Variants in SPRR2B observed in about 807,000 individuals in gnomAD.
SPRR2B encodes small proline-rich protein 2B.
A neutral mutation model predicts 1.0 loss-of-function variants in SPRR2B; 1 was observed. That is an observed-to-expected ratio of 1.01 (90% CI 0.36 to 4.77). The LOEUF is 4.77. Ranked by LOEUF, SPRR2B falls within the 30% of genes most tolerant of loss-of-function variation. The pLI is 0.16. For missense variants in SPRR2B, 53 were observed against 88.7 expected (o/e 0.60, Z 1.62); for synonymous variants, 27 against 33.4 (o/e 0.81, Z 0.66).
upstream of SPRR2B, among the ~76,000 whole-genome samples, chr1:153,074,834 T>C (rs1321628591): frequency 6.6e-6 from 1 of 152,204 alleles, no homozygotes; most frequent in Non-Finnish European, 1.5e-5. Context: ...GCTCAGTTAG[T>C]CAGATAATGG....
the SPRR2B span, among the ~76,000 whole-genome samples, chr1:153,080,352 G>A: frequency 7.2e-5 from 11 of 152,254 alleles, no homozygotes; most frequent in East Asian, 1.7e-3. Context: ...CCACCCAACA[G>A]CAGCAGGATA....
In SPRR2B at chr1:153,070,424, TG is replaced by T; in HGVS notation, c.*196del. 2 of 1,086,250 alleles carry T rather than the reference TG, an allele frequency of 1.8e-6. No homozygotes were observed. The highest frequency in any genetic ancestry group is 1.6e-5 in the African/African-American group (1 of 62,776). 67.3% of individuals were successfully genotyped at this position (1,086,250 alleles called of 1,614,324 possible). A position where few individuals can be genotyped will look rare whatever the true frequency, so the allele number is the denominator to read the frequency against. ...AAGGTTCCTTTGCTCAGTCTCCACC[TG>T]GACAGTGGCAGTATGGCAGCCTTAG... On this transcript the variant is annotated 3_prime_UTR_variant, in exon 2 of 2. Coordinates refer to ENST00000368755, the MANE Select transcript of SPRR2B (RefSeq NM_001388198.1).
In SPRR2B at chr1:153,070,569, A is replaced by G; in HGVS notation, c.*52T>C. 6.3e-7 allele frequency: 1 copy of G among 1,580,900 alleles called. No homozygotes were observed. Among genetic ancestry groups the G allele is most frequent in the Non-Finnish European group, 8.6e-7 (1 of 1,163,752 alleles). ...AAGATGAAGGTGGAGCTGTGGAACG[A>G]GGTGAGCCAATTATCCTTATCCTCT... On this transcript the variant is annotated 3_prime_UTR_variant, in exon 2 of 2. Coordinates refer to ENST00000368755, the MANE Select transcript of SPRR2B (RefSeq NM_001388198.1).
At chr1:153,083,752 C>A in the SPRR2B span, among the ~76,000 whole-genome samples, 1 of 152,196 alleles carries the variant, frequency 6.6e-6, no homozygotes, top group Non-Finnish European at 1.5e-5. Context: ...AGAAGACCCC[C>A]TCAACCACCA....
At position 153,070,450 on chromosome 1, in the gene SPRR2B, G is replaced by T; in HGVS notation, c.*171C>A. On this transcript the variant is annotated 3_prime_UTR_variant, in exon 2 of 2. Coordinates refer to ENST00000368755, the MANE Select transcript of SPRR2B (RefSeq NM_001388198.1). ...GGACAGTGGCAGTATGGCAGCCTTA[G>T]AAAGGAAACCTTTTGCTATCAGGGA... 2 of 1,309,436 alleles carry T rather than the reference G, an allele frequency of 1.5e-6. No homozygotes were observed. The highest frequency in any genetic ancestry group is 1.5e-5 in the South Asian group (1 of 65,312). The allele number at this position is 1,309,436 out of a possible 1,614,324, so 81.1% of individuals were successfully genotyped here.
At chr1:153,073,130 C>G (rs79883482), upstream of SPRR2B, among the ~76,000 whole-genome samples, 7,382 of 152,226 alleles carry the variant, frequency 0.048, 594 homozygotes, top group African/African-American at 0.17. Flanking sequence ...TGCAATTGCT[C>G]CAGTCTCTAA....
chr1:153,072,325 G>A (rs1343337657), upstream of SPRR2B, among the ~76,000 whole-genome samples: 1 of 152,182 alleles, frequency 6.6e-6, no homozygotes, highest in Non-Finnish European at 1.5e-5. Context: ...GTTTGCTACT[G>A]CTGCTATCAA....
chr1:153,084,763 G>A, the SPRR2B span, among the ~76,000 whole-genome samples: 1 of 152,110 alleles, frequency 6.6e-6, no homozygotes, highest in Non-Finnish European at 1.5e-5. Context: ...AAAACACTTT[G>A]GCTGACACCA....
upstream of SPRR2B, among the ~76,000 whole-genome samples, chr1:153,076,545 G>T (rs557003719): frequency 6.6e-6 from 1 of 152,278 alleles, no homozygotes; most frequent in Non-Finnish European, 1.5e-5. Context: ...AAGACTATTT[G>T]AACTCTTACA....
chr1:153,082,091 T>C, the SPRR2B span, among the ~76,000 whole-genome samples: 1 of 152,136 alleles, frequency 6.6e-6, no homozygotes, highest in African/African-American at 2.4e-5. Flanking sequence ...CGGGTGTTAA[T>C]TCAAATTAGA....
At chr1:153,071,533 G>A (rs6693927) in intron 1 of SPRR2B, among the ~76,000 whole-genome samples, 36 bp downstream of exon 1, 53,503 of 151,836 alleles carry the variant, frequency 0.35, 10,376 homozygotes, top group Non-Finnish European at 0.45. Context: ...CAACATTTCA[G>A]GGCAAAAAGA....
chr1:153,078,492 T>G, the SPRR2B span, among the ~76,000 whole-genome samples: 1 of 152,212 alleles, frequency 6.6e-6, no homozygotes, highest in Admixed American at 6.5e-5. Context: ...TAGGTATATC[T>G]CCAAATGCTA....
chr1:153,074,869 T>G (rs973917236), upstream of SPRR2B, among the ~76,000 whole-genome samples: 1 of 152,230 alleles, frequency 6.6e-6, no homozygotes, highest in African/African-American at 2.4e-5. Flanking sequence ...TCAGCATTTT[T>G]GGGCAGACGC....
chr1:153,079,072 G>T, the SPRR2B span, among the ~76,000 whole-genome samples: 1 of 152,190 alleles, frequency 6.6e-6, no homozygotes, highest in African/African-American at 2.4e-5. Flanking sequence ...GTGTGAGATG[G>T]TATCTCATTG....
chr1:153,083,863 T>C, the SPRR2B span, among the ~76,000 whole-genome samples: 1 of 152,210 alleles, frequency 6.6e-6, no homozygotes, highest in East Asian at 1.9e-4. Context: ...GTGTCTGTAA[T>C]GGAGCAGGGC....
At chr1:153,077,919 C>T in the SPRR2B span, among the ~76,000 whole-genome samples, 1 of 151,770 alleles carries the variant, frequency 6.6e-6, no homozygotes, top group African/African-American at 2.4e-5. Flanking sequence ...TACATAATCC[C>T]CAATGAAAAC....
upstream of SPRR2B, among the ~76,000 whole-genome samples, chr1:153,072,292 G>C (rs1199184546): frequency 1.3e-5 from 2 of 152,172 alleles, no homozygotes; most frequent in African/African-American, 4.8e-5. Flanking sequence ...AGACACCAGA[G>C]TGAGATCCAG....
intron 1 of SPRR2B, 57 bp from the exon 2 acceptor site, chr1:153,070,915 C>A: frequency 8.0e-7 from 1 of 1,256,058 alleles, no homozygotes; most frequent in Admixed American, 1.9e-5. Flanking sequence ...AGAGAGAAGC[C>A]AAAGCTTATG....
At chr1:153,073,597 T>C (rs1654716173), upstream of SPRR2B, among the ~76,000 whole-genome samples, 1 of 152,018 alleles carries the variant, frequency 6.6e-6, no homozygotes, top group South Asian at 2.1e-4. Flanking sequence ...ACAGTTCAGC[T>C]ACATGAAGAG....
Sources: allele counts gnomAD v4.1 joint callset (sites outside exome capture counted in the v4.1 genomes callset), GRCh38; gene constraint gnomAD v4.1.1; transcripts MANE v1.5; gene names NCBI Gene and HGNC (gene_info 2026-07-23, HGNC 2026-07-21).